Variants in PCDHGB2 observed in about 807,000 individuals in gnomAD.
PCDHGB2 encodes the protein protocadherin gamma-B2.
A neutral mutation model predicts 59.3 loss-of-function variants in PCDHGB2; 55 were observed. The ratio of observed to expected loss-of-function variants is 0.93; its 90% confidence interval spans 0.75 to 1.16. PCDHGB2 has a LOEUF of 1.16. PCDHGB2 is among the 50% of genes most tolerant of loss of function. The probability of loss-of-function intolerance (pLI) is 0.00; values close to 1 mark genes in which losing one functional copy is unlikely to be tolerated. For synonymous variants in PCDHGB2, 516 were observed against 512.0 expected, an observed-to-expected ratio of 1.01 and a Z score of -0.11; for missense variants, 1,228 against 1,198.5, an observed-to-expected ratio of 1.02 and a Z score of -0.36.
At chr5:141,456,148 C>T (rs1408257938) in intron 1 of PCDHGB2, among the ~76,000 whole-genome samples, 13 of 152,078 alleles carry the variant, frequency 8.5e-5, no homozygotes, top group African/African-American at 3.1e-4. Flanking sequence ...CCGCCCGCCT[C>T]GGCCTCCTAA....
Position 141,491,504 on chromosome 5 carries a change from G to T in PCDHGB2, c.2422-3303G>T. 6.2e-7 allele frequency: 1 copy of T among 1,614,048 alleles called. No homozygotes were observed. The highest frequency in any genetic ancestry group is 2.2e-5 in the East Asian group (1 of 44,876). Reference sequence around the variant, plus strand: ...CCCAACCTGCAGGTGAGCTCGGACGGCACGCTCAAGTACATGGAGGTGACG... The same window carrying T: ...CCCAACCTGCAGGTGAGCTCGGACGTCACGCTCAAGTACATGGAGGTGACG... On this transcript the variant is annotated intron_variant, in intron 1 of 3. Transcript: ENST00000522605. The surrounding 1 kb of genome is among the most constrained non-coding windows in gnomAD (Gnocchi z 6.9).
intron 1 of PCDHGB2, among the ~76,000 whole-genome samples, chr5:141,444,395 T>A (rs960583048): frequency 1.3e-5 from 2 of 151,996 alleles, no homozygotes; most frequent in Non-Finnish European, 2.9e-5. Context: ...AGTCTTGAAC[T>A]CCCAACCTCA....
chr5:141,360,895 G>C lies in PCDHGB2; in HGVS notation c.760G>C (p.Asp254His), dbSNP rs766855815. The stretch of plus-strand genomic sequence containing the variant: ...CGTGTACAGGGTCACCCTGAGGGAG[G>C]ACGTGCCGCCGGGCTTCTTTGTGCT... ...QDVYRVTLRE[D>H]VPPGFFVLQV... Residue 254 changes from aspartate to histidine, a missense_variant, in exon 1 of 4, where the codon GAC becomes CAC. Physicochemically the swap from Asp to His is moderately conservative, Grantham distance 81. Coordinates refer to ENST00000522605, the MANE Select transcript of PCDHGB2 (RefSeq NM_018923.3). The C allele has an allele frequency of 6.2e-6, 10 of 1,614,046 alleles. No homozygotes were observed. The Admixed American group carries it at 1.7e-4, about 27-fold the overall frequency.
At chr5:141,404,560 C>G in intron 1 of PCDHGB2, 1 of 1,613,578 alleles carries the variant, frequency 6.2e-7, no homozygotes, top group South Asian at 1.1e-5. Context: ...CGGCAAGTGA[C>G]AGTGGAAGCC....
At chr5:141,374,758 C>A (rs1316048031) in intron 1 of PCDHGB2, 3 of 1,613,200 alleles carry the variant, frequency 1.9e-6, no homozygotes, top group Non-Finnish European at 2.5e-6. Context: ...GCTCAAGCGT[C>A]GCCCAAATTC....
At chr5:141,368,029 A>G (rs751685709) in intron 1 of PCDHGB2, among the ~76,000 whole-genome samples, 3 of 152,216 alleles carry the variant, frequency 2.0e-5, no homozygotes, top group Non-Finnish European at 4.4e-5. Context: ...CTCAAATTCC[A>G]GGAGGATGTG....
chr5:141,507,554 A>C (rs1384910590), intron 3 of PCDHGB2, among the ~76,000 whole-genome samples: 2 of 152,258 alleles, frequency 1.3e-5, no homozygotes, highest in African/African-American at 4.8e-5. Context: ...TGAAAGTGGC[A>C]GGCGGCTGGG....
Position 141,489,273 on chromosome 5 carries a change from G to GA in PCDHGB2, c.2422-5531dup. The GA allele has an allele frequency of 6.4e-7, 1 of 1,555,870 alleles. No individual in the cohort carries two copies. The highest frequency in any genetic ancestry group is 2.2e-5 in the East Asian group (1 of 44,466). On this transcript the variant is annotated intron_variant, in intron 1 of 3. Coordinates refer to ENST00000522605, the MANE Select transcript of PCDHGB2 (RefSeq NM_018923.3). The surrounding 1 kb of genome is among the most constrained non-coding windows in gnomAD (Gnocchi z 4.5). ...CCAAGACACTCCCACAGCTCGCTGG[G>GA]AAATGGCAAGTGCTGTGCATGTTGT...
rs563145930 is a variant in PCDHGB2 at position 141,392,984 on chromosome 5, GA to G, written c.2421+30430del. 408 of 1,613,914 alleles carry G rather than the reference GA, an allele frequency of 2.5e-4. 2 individuals carry two copies. In the African/African-American group the frequency reaches 4.6e-3, roughly 18 times the overall value. On this transcript the variant is annotated intron_variant, in intron 1 of 3. Transcript: ENST00000522605. The stretch of plus-strand genomic sequence containing the variant: ...CCAAGGACCTGGGGCTGGACCCCCG[GA>G]AGCTGGCGAAGCACGGAGTCCGTAT...
chr5:141,432,413 G>C lies in PCDHGB2; in HGVS notation c.2422-62394G>C, dbSNP rs369816901. 9 of 1,614,114 alleles carry C rather than the reference G, an allele frequency of 5.6e-6. No homozygotes were observed. The highest frequency in any genetic ancestry group is 1.3e-5 in the African/African-American group (1 of 74,946). ...CAGCAACGTGTCGTTGAGCCTGTTCGTGCTGGACCAGAACGACAATGCGCC... is the reference window on the plus strand; with the variant it reads ...CAGCAACGTGTCGTTGAGCCTGTTCCTGCTGGACCAGAACGACAATGCGCC... On this transcript the variant is annotated intron_variant, in intron 1 of 3. Coordinates refer to ENST00000522605, the MANE Select transcript of PCDHGB2 (RefSeq NM_018923.3). This position sits in a 1 kb window ranked among gnomAD's most constrained non-coding sequence, Gnocchi z 6.0.
chr5:141,398,858 G>C, intron 1 of PCDHGB2: 2 of 1,613,986 alleles, frequency 1.2e-6, no homozygotes, highest in Non-Finnish European at 1.7e-6. Flanking sequence ...GTATTCAACC[G>C]AGACGTGTAC....
chr5:141,419,705 C>A, intron 1 of PCDHGB2: 1 of 1,613,038 alleles, frequency 6.2e-7, no homozygotes, highest in South Asian at 1.1e-5. Flanking sequence ...TGAGCCCGGG[C>A]TCTTCAGCCT....
chr5:141,436,635 A>G (rs953396225), intron 1 of PCDHGB2, among the ~76,000 whole-genome samples: 8 of 152,184 alleles, frequency 5.3e-5, no homozygotes, highest in African/African-American at 1.9e-4. Context: ...ACAACATGCA[A>G]TTAATTAACA....
Position 141,491,686 on chromosome 5 carries a change from C to A in PCDHGB2, c.2422-3121C>A. The A allele has an allele frequency of 6.2e-7, 1 of 1,612,970 alleles. No homozygotes were observed. The highest frequency in any genetic ancestry group is 8.5e-7 in the Non-Finnish European group (1 of 1,179,558). Reference sequence around the variant, plus strand: ...CATCCGGTCCCGCTCTAATACGCTGCGGGAGCGGAGCCAGGTGAGGGGCTC... The same window carrying A: ...CATCCGGTCCCGCTCTAATACGCTGAGGGAGCGGAGCCAGGTGAGGGGCTC... On this transcript the variant is annotated intron_variant, in intron 1 of 3. Coordinates refer to ENST00000522605, the MANE Select transcript of PCDHGB2 (RefSeq NM_018923.3). The surrounding 1 kb of genome is among the most constrained non-coding windows in gnomAD (Gnocchi z 6.9).
chr5:141,484,699 T>A (rs899065665), intron 1 of PCDHGB2, among the ~76,000 whole-genome samples: 4 of 151,966 alleles, frequency 2.6e-5, no homozygotes, highest in African/African-American at 9.7e-5. Flanking sequence ...GCTGTGGCTG[T>A]TTTCCCCGCC....
At chr5:141,447,275 G>C (rs2098532748) in intron 1 of PCDHGB2, among the ~76,000 whole-genome samples, 1 of 152,154 alleles carries the variant, frequency 6.6e-6, no homozygotes, top group African/African-American at 2.4e-5. Flanking sequence ...AAGTAGCTGG[G>C]ACTACAGGCA....
At chr5:141,381,826 CT>C (rs770630741) in intron 1 of PCDHGB2, among the ~76,000 whole-genome samples, 3,016 of 74,262 alleles carry the variant, frequency 0.041, 29 homozygotes, top group African/African-American at 0.078. Flanking sequence ...CTTTCTTCTT[CT>C]TTTTTTTTTT....
intron 1 of PCDHGB2, chr5:141,374,252 CAGG>C: frequency 6.2e-7 from 1 of 1,613,982 alleles, no homozygotes; most frequent in South Asian, 1.1e-5. Context: ...ACTGGAGCCC[CAGG>C]AGTTGGCGGA....
chr5:141,427,930 T>C, intron 1 of PCDHGB2: 2 of 1,583,398 alleles, frequency 1.3e-6, no homozygotes. Flanking sequence ...CGGCGCATGT[T>C]GGTGGGCGAC....
Sources: allele counts gnomAD v4.1 joint callset (sites outside exome capture counted in the v4.1 genomes callset), GRCh38; gene constraint gnomAD v4.1.1; non-coding constraint Gnocchi (gnomAD v3.1); transcripts MANE v1.5; gene names NCBI Gene and HGNC (gene_info 2026-07-23, HGNC 2026-07-21).